FRMD5: variants seen among roughly 807,000 people sequenced by gnomAD.
The protein encoded by FRMD5 is FERM domain-containing protein 5.
In FRMD5, 20 loss-of-function variants were observed where a neutral mutation model predicts 69.0. That is an observed-to-expected ratio of 0.29 (90% CI 0.20 to 0.42). The LOEUF is 0.42. FRMD5 is among the 10% of genes least tolerant of loss of function. The pLI is 1.00. For synonymous variants in FRMD5, 271 were observed against 260.1 expected (o/e 1.04, Z -0.40); for missense variants, 595 against 708.6 (o/e 0.84, Z 1.82).
intron 1 of FRMD5, among the ~76,000 whole-genome samples, chr15:44,020,114 A>T (rs1203067322): frequency 6.6e-6 from 1 of 152,168 alleles, no homozygotes; most frequent in South Asian, 2.1e-4. Flanking sequence ...CATTCAGTAT[A>T]TGGTATGATA....
At chr15:43,923,107 G>C (rs1015988003) in intron 2 of FRMD5, among the ~76,000 whole-genome samples, 1 of 152,190 alleles carries the variant, frequency 6.6e-6, no homozygotes, top group African/African-American at 2.4e-5. Context: ...GAAACTGCAG[G>C]TGTCTGCAAG....
In FRMD5 at chr15:44,040,871, A is replaced by C. The variant is rs189661299; in HGVS notation, c.103-116562T>G. 5.7e-3 allele frequency among the ~76,000 whole-genome samples: 864 copies of C among 152,080 alleles called. 4 individuals are homozygous for C. Among genetic ancestry groups the C allele is most frequent in the Middle Eastern group, 0.014 (4 of 294 alleles). On this transcript the variant is annotated intron_variant, in intron 1 of 13. Coordinates refer to ENST00000417257, the MANE Select transcript of FRMD5 (RefSeq NM_032892.5). ...CCCCAATTAAAACACACAGACTGGC[A>C]AATTGGATAAAGAGTCAAGACCCAT...
intron 1 of FRMD5, among the ~76,000 whole-genome samples, chr15:44,022,414 AC>A (rs971918960): frequency 9.9e-5 from 15 of 151,238 alleles, no homozygotes; most frequent in Admixed American, 2.6e-4. Context: ...AAAAAAAAAA[AC>A]ATACGAAAAT....
chr15:44,108,734 AC>A (rs2076755355), intron 1 of FRMD5, among the ~76,000 whole-genome samples: 2 of 152,052 alleles, frequency 1.3e-5, no homozygotes, highest in African/African-American at 2.4e-5. Flanking sequence ...GGTGGCCAAG[AC>A]AGGAGGATCT....
chr15:44,065,183 A>G (rs2140394545), intron 1 of FRMD5, among the ~76,000 whole-genome samples: 1 of 152,230 alleles, frequency 6.6e-6, no homozygotes, highest in East Asian at 1.9e-4. Flanking sequence ...TAATGAATAT[A>G]CAGTACTTAG....
At chr15:43,917,452 G>A (rs141131828) in intron 4 of FRMD5, among the ~76,000 whole-genome samples, 13 of 152,172 alleles carry the variant, frequency 8.5e-5, no homozygotes, top group South Asian at 8.3e-4. Flanking sequence ...GTGTAATGCC[G>A]CAATCTTGGC....
chr15:43,951,961 ATGTG>A (rs141804253), intron 1 of FRMD5, among the ~76,000 whole-genome samples: 1 of 111,682 alleles, frequency 9.0e-6, no homozygotes, highest in Non-Finnish European at 1.7e-5. Flanking sequence ...CTGTATGTGC[ATGTG>A]TGTGTGTGTG....
At chr15:44,196,465 CAA>C (rs529135395), upstream of FRMD5, among the ~76,000 whole-genome samples, 1 of 130,370 alleles carries the variant, frequency 7.7e-6, no homozygotes, top group African/African-American at 2.9e-5. Flanking sequence ...GCCACCGTCT[CAA>C]AAAAAAAAAA....
chr15:44,140,920 A>G (rs1375209858), intron 1 of FRMD5, among the ~76,000 whole-genome samples: 1 of 151,730 alleles, frequency 6.6e-6, no homozygotes, highest in African/African-American at 2.4e-5. Flanking sequence ...AAGAATTTAC[A>G]ATTAAAATAA....
At chr15:43,926,330 GGTCTAT>G (rs776745888) in intron 1 of FRMD5, among the ~76,000 whole-genome samples, 10 of 152,112 alleles carry the variant, frequency 6.6e-5, no homozygotes, top group Non-Finnish European at 1.2e-4. Context: ...ATCTCTGGCG[GGTCTAT>G]GTCTAATTTT....
chr15:44,118,863 C>A lies in FRMD5; in HGVS notation c.102+76090G>T, dbSNP rs114584798. Among the ~76,000 whole-genome samples the A allele has an allele frequency of 3.5e-3, 534 of 152,314 alleles. 5 individuals are homozygous for A. The highest frequency in any genetic ancestry group is 0.012 in the African/African-American group (505 of 41,574). ...CAATCACTGCTCACTGCAGCCTCGACCTCCTGTGCTCAAATGATCCACCCA... is the reference window on the plus strand; with the variant it reads ...CAATCACTGCTCACTGCAGCCTCGAACTCCTGTGCTCAAATGATCCACCCA... On this transcript the variant is annotated intron_variant, in intron 1 of 13. Transcript: ENST00000417257.
rs139663724 is a variant in FRMD5 at position 43,938,047 on chromosome 15, C to T, written c.103-13738G>A. On this transcript the variant is annotated intron_variant, in intron 1 of 13. Coordinates refer to ENST00000417257, the MANE Select transcript of FRMD5 (RefSeq NM_032892.5). ...CTTTGGGAGGCCATCCTGGCTAACA[C>T]GGTGAAACTCTGTCTCTACTAAAAA... Among the ~76,000 whole-genome samples the T allele has an allele frequency of 9.2e-5, 14 of 151,856 alleles. No homozygotes were observed. In the East Asian group the frequency reaches 1.9e-3, roughly 21 times the overall value.
chr15:44,051,300 C>G (rs1892654887), intron 1 of FRMD5, among the ~76,000 whole-genome samples: 1 of 149,414 alleles, frequency 6.7e-6, no homozygotes, highest in South Asian at 2.1e-4. Flanking sequence ...TATAGGCACC[C>G]ATGACCACAC....
chr15:44,132,102 C>T (rs182028195), intron 1 of FRMD5, among the ~76,000 whole-genome samples: 6 of 152,082 alleles, frequency 3.9e-5, no homozygotes, highest in South Asian at 2.1e-4. Flanking sequence ...ATAAGGAGTG[C>T]GCAGCCTAGA....
At chr15:44,122,560 C>A (rs1595490028) in intron 1 of FRMD5, among the ~76,000 whole-genome samples, 1 of 149,808 alleles carries the variant, frequency 6.7e-6, no homozygotes, top group African/African-American at 2.5e-5. Flanking sequence ...CAGAGTGAGA[C>A]CCTGCCTCAA....
intron 1 of FRMD5, among the ~76,000 whole-genome samples, chr15:44,029,975 T>C (rs1326985315): frequency 6.6e-6 from 1 of 152,258 alleles, no homozygotes; most frequent in African/African-American, 2.4e-5. Context: ...TTCATTTTTG[T>C]ACTCTAGCCT....
chr15:43,873,590 A>ATCAAAAT lies in FRMD5; in HGVS notation c.*288_*294dup. 7.0e-7 allele frequency: 1 copy of ATCAAAAT among 1,432,392 alleles called. No individual in the cohort carries two copies. Among genetic ancestry groups the ATCAAAAT allele is most frequent in the South Asian group, 1.4e-5 (1 of 73,820 alleles). 88.7% of individuals were successfully genotyped at this position (1,432,392 alleles called of 1,614,324 possible). ...TCAAAATAATATACATCTATGAAAA[A>ATCAAAAT]TCAAAATTCAAAACCAAAAATTATC... On this transcript the variant is annotated 3_prime_UTR_variant, in exon 14 of 14. Transcript: ENST00000417257.
In FRMD5 at chr15:44,095,050, G is replaced by A. The variant is rs570030131; in HGVS notation, c.102+99903C>T. On this transcript the variant is annotated intron_variant, in intron 1 of 13. Coordinates refer to ENST00000417257, the MANE Select transcript of FRMD5 (RefSeq NM_032892.5). ...AGGATTAATATAATCTAGCAGCAGAGTATTTCTCAAAATTACCCAAGCATA... is the reference window on the plus strand; with the variant it reads ...AGGATTAATATAATCTAGCAGCAGAATATTTCTCAAAATTACCCAAGCATA... Among the ~76,000 whole-genome samples, 40 of 151,982 alleles carry A rather than the reference G, an allele frequency of 2.6e-4. No homozygotes were observed. In the South Asian group the frequency reaches 8.3e-3, roughly 32 times the overall value.
chr15:44,109,633 T>C (rs750053891), intron 1 of FRMD5, among the ~76,000 whole-genome samples: 2 of 152,126 alleles, frequency 1.3e-5, no homozygotes, highest in South Asian at 4.1e-4. Context: ...AATACATTGA[T>C]TATGAACCTA....
Sources: gnomAD v4.1 joint callset for allele counts (sites outside exome capture counted in the v4.1 genomes callset) on GRCh38, gnomAD v4.1.1 for gene constraint, MANE v1.5 for transcripts, NCBI Gene and HGNC (gene_info 2026-07-23, HGNC 2026-07-21) for gene names.